The following PHRF1 variants were observed in gnomAD, a reference collection of about 807,000 sequenced individuals.
PHRF1 encodes PHD and RING finger domain-containing protein 1.
In PHRF1, 53 loss-of-function variants were observed where a neutral mutation model predicts 128.9. That is an observed-to-expected ratio of 0.41 (90% confidence interval 0.33 to 0.52). The LOEUF is 0.52. Ranked by LOEUF, PHRF1 falls within the 20% of genes least tolerant of loss-of-function variation. The probability of loss-of-function intolerance (pLI) is 0.21; values close to 1 mark genes in which losing one functional copy is unlikely to be tolerated. For synonymous variants in PHRF1, 1,178 were observed against 980.6 expected, an observed-to-expected ratio of 1.20 and a Z score of -3.76; for missense variants, 2,503 against 2,284.5, an observed-to-expected ratio of 1.10 and a Z score of -1.95.
chr11:598,860 T>C (rs901516217), intron 9 of PHRF1, among the ~76,000 whole-genome samples: 9 of 152,242 alleles, frequency 5.9e-5, no homozygotes, highest in African/African-American at 1.9e-4. Flanking sequence ...GGCTTTTCTG[T>C]GGGGGCCGAG....
intron 14 of PHRF1, 100 bp downstream of exon 14, chr11:609,820 C>T (rs887704956): frequency 1.3e-6 from 1 of 764,262 alleles, no homozygotes; most frequent in South Asian, 2.2e-5. Context: ...GCCCCGGCCT[C>T]CACCGAGGAC....
chr11:589,747 A>G (rs111560769), intron 4 of PHRF1, among the ~76,000 whole-genome samples: 31 of 152,340 alleles, frequency 2.0e-4, no homozygotes, highest in Admixed American at 1.8e-3. Flanking sequence ...AGTCTGAGAG[A>G]GTGTCTGCAA....
Position 592,591 on chromosome 11 carries a change from G to T in PHRF1, c.537G>T (p.Glu179Asp). Reference protein sequence around the residue: ...IPVENTKASEEEEDPTFCEVC... With the variant: ...IPVENTKASEDEEDPTFCEVC... ...TGGAGAACACCAAAGCGAGCGAGGA[G>T]GAGGAGGACCCGACCTTCTGTGAGG... The change falls in exon 6 of 18, where the codon GAG becomes GAT. Residue 179 changes from glutamate to aspartate, a missense_variant. Physicochemically the swap from Glu to Asp is conservative, Grantham distance 45. Coordinates refer to ENST00000264555, the MANE Select transcript of PHRF1 (RefSeq NM_001286581.2). 6.2e-7 allele frequency: 1 copy of T among 1,614,094 alleles called. No individual in the cohort carries two copies. The highest frequency in any genetic ancestry group is 1.1e-5 in the South Asian group (1 of 91,090).
In PHRF1 at chr11:609,543, G is replaced by A. The variant is rs1159248736; in HGVS notation, c.4087G>A (p.Val1363Met). ...GGCTGAGGCACCCAGTTCCCCGGAT[G>A]TGGCGCCTGCGGGGAAGGAAGACAG... is the stretch of plus-strand genomic sequence containing the variant. ...EKAEAPSSPD[V>M]APAGKEDSPS... is the part of the protein sequence containing the mutation. Residue 1363 changes from valine to methionine, a missense_variant, in exon 14 of 18, where the codon GTG becomes ATG. Physicochemically the swap from Val to Met is conservative, Grantham distance 21. Coordinates refer to ENST00000264555, the MANE Select transcript of PHRF1 (RefSeq NM_001286581.2). 1 of 1,600,190 alleles carries A rather than the reference G, an allele frequency of 6.2e-7. No homozygotes were observed. Among genetic ancestry groups the A allele is most frequent in the Non-Finnish European group, 8.5e-7 (1 of 1,175,636 alleles).
At chr11:592,776 A>G in intron 6 of PHRF1, 102 bp downstream of exon 6, 1 of 1,287,998 alleles carries the variant, frequency 7.8e-7, no homozygotes, top group Non-Finnish European at 1.1e-6. Context: ...TCTGAGTCCC[A>G]GCACCTGGAG....
At position 582,708 on chromosome 11, in the gene PHRF1, T is replaced by C. The variant is rs544444214; in HGVS notation, c.214+627T>C. ...CCTGGCTAATTTTTTGTATTTTTAG[T>C]AGAGATGGGGTTTCACCGCGTTAGC... On this transcript the variant is annotated intron_variant, in intron 3 of 17. Coordinates refer to ENST00000264555, the MANE Select transcript of PHRF1 (RefSeq NM_001286581.2). Among the ~76,000 whole-genome samples, 7 of 151,710 alleles carry C rather than the reference T, an allele frequency of 4.6e-5. No homozygotes were observed. In the South Asian group the frequency reaches 1.5e-3, roughly 32 times the overall value.
rs1424096067 is a variant in PHRF1 at position 607,098 on chromosome 11, C to T, written c.1642C>T (p.Leu548=). The T allele has an allele frequency of 4.5e-6, 7 of 1,571,044 alleles. No individual in the cohort carries two copies. The highest frequency in any genetic ancestry group is 5.2e-6 in the Non-Finnish European group (6 of 1,156,914). Residue 548 remains leucine (L), a synonymous_variant, in exon 14 of 18, where the codon CTG becomes TTG. Transcript: ENST00000264555. ...TTCTTTTCAGCGAAACTCAGGCAGT[C>T]TGTCCAGAGGGGAAGAAGGATTCAA... ...PVSFQRNSGS[L]SRGEEGFKGC...
rs114152632 is a variant in PHRF1 at position 599,155 on chromosome 11, C to T, written c.1024+653C>T. ...TCGTGGGGATTTAAGTCACTGTAGACGCATGGACTCCTGCTTTACTCAGTG... is the reference window on the plus strand; with the variant it reads ...TCGTGGGGATTTAAGTCACTGTAGATGCATGGACTCCTGCTTTACTCAGTG... On this transcript the variant is annotated intron_variant, in intron 9 of 17. Coordinates refer to ENST00000264555, the MANE Select transcript of PHRF1 (RefSeq NM_001286581.2). 3.4e-3 allele frequency among the ~76,000 whole-genome samples: 521 copies of T among 152,164 alleles called. 4 individuals carry two copies. Among genetic ancestry groups the T allele is most frequent in the African/African-American group, 0.012 (484 of 41,520 alleles).
At chr11:602,104 C>T (rs530036075) in intron 10 of PHRF1, among the ~76,000 whole-genome samples, 184 of 152,282 alleles carry the variant, frequency 1.2e-3, no homozygotes, top group African/African-American at 4.3e-3. Flanking sequence ...TGACACAAGC[C>T]GTGTCTGACA....
At chr11:599,309 G>C (rs962083275) in intron 9 of PHRF1, among the ~76,000 whole-genome samples, 2 of 138,980 alleles carry the variant, frequency 1.4e-5, no homozygotes, top group Admixed American at 7.7e-5. Flanking sequence ...GGAGTGCAGT[G>C]GCATGATCTT....
Position 608,476 on chromosome 11 carries a change from G to T in PHRF1, c.3020G>T (p.Arg1007Met), listed in dbSNP as rs776771920. 12 of 1,612,400 alleles carry T rather than the reference G, an allele frequency of 7.4e-6. No homozygotes were observed. In the Admixed American group the frequency reaches 2.0e-4, roughly 27 times the overall value. Residue 1007 changes from arginine (R) to methionine (M), a missense_variant, in exon 14 of 18, where the codon AGG becomes ATG. Physicochemically the swap from Arg to Met is moderately conservative, Grantham distance 91. Transcript: ENST00000264555. ...SSSRSRKKAK[R>M]KRVSREHGRT... ...TCCCGCAGCAGGAAGAAGGCCAAGA[G>T]GAAGAGGGTGTCCAGGGAGCACGGA...
intron 3 of PHRF1, among the ~76,000 whole-genome samples, chr11:584,919 T>C (rs1854437902): frequency 6.6e-6 from 1 of 151,928 alleles, no homozygotes; most frequent in Non-Finnish European, 1.5e-5. Flanking sequence ...TGTATTGTTA[T>C]TCGAGATGGG....
At chr11:602,302 G>A (rs770827847) in intron 10 of PHRF1, among the ~76,000 whole-genome samples, 78 of 152,124 alleles carry the variant, frequency 5.1e-4, no homozygotes, top group Non-Finnish European at 1.0e-3. Flanking sequence ...TGTCATTCGT[G>A]TGCATGTTTG....
chr11:579,750 ACTT>A (rs1471492618), intron 1 of PHRF1, among the ~76,000 whole-genome samples: 4 of 152,248 alleles, frequency 2.6e-5, no homozygotes, highest in South Asian at 2.1e-4. Flanking sequence ...TGGCAAAACT[ACTT>A]CTACAATCGC....
Position 597,322 on chromosome 11 carries a change from G to A in PHRF1, c.719-73G>A. On this transcript the variant is annotated intron_variant, in intron 7 of 17. Transcript: ENST00000264555. This position sits in a 1 kb window ranked among gnomAD's most constrained non-coding sequence, Gnocchi z 6.5. Reference sequence around the variant, plus strand: ...AGCCAGGGCTGCTACTTGGCCGGCAGCCACAGGGGGAGCCGTTGGGGGAGG... The same window carrying A: ...AGCCAGGGCTGCTACTTGGCCGGCAACCACAGGGGGAGCCGTTGGGGGAGG... 2.0e-6 allele frequency: 3 copies of A among 1,534,420 alleles called. No homozygotes were observed. The highest frequency in any genetic ancestry group is 2.6e-6 in the Non-Finnish European group (3 of 1,135,696).
intron 1 of PHRF1, among the ~76,000 whole-genome samples, chr11:580,851 G>C (rs1023795175): frequency 5.9e-5 from 9 of 151,890 alleles, no homozygotes; most frequent in Non-Finnish European, 1.3e-4. Context: ...ACCACGCCTG[G>C]CTAATTTTTG....
Position 610,999 on chromosome 11 carries a change from A to C in PHRF1, c.4723A>C (p.Lys1575Gln). The change falls in exon 17 of 18, where the codon AAG (lysine) becomes CAG (glutamine). Residue 1575 changes from lysine to glutamine, a missense_variant. Coordinates refer to ENST00000264555, the MANE Select transcript of PHRF1 (RefSeq NM_001286581.2). ...GCAGGAGCGTGCTGTGGAGGAGGTG[A>C]AGCTGGCCATCAAGCCCTTCTACCA... ...HMQERAVEEV[K>Q]LAIKPFYQKR... The C allele has an allele frequency of 6.2e-7, 1 of 1,613,546 alleles. No homozygotes were observed. The highest frequency in any genetic ancestry group is 8.5e-7 in the Non-Finnish European group (1 of 1,179,810).
At chr11:601,450 C>G (rs2133027674) in intron 9 of PHRF1, 124 bp from the exon 10 acceptor site, 1 of 1,282,478 alleles carries the variant, frequency 7.8e-7, no homozygotes, top group East Asian at 2.4e-5. Context: ...AAAAAAATTG[C>G]AAGCCGGTGC....
chr11:604,036 A>G (rs1298918740), intron 10 of PHRF1, among the ~76,000 whole-genome samples: 1 of 152,164 alleles, frequency 6.6e-6, no homozygotes, highest in African/African-American at 2.4e-5. Context: ...TTATTCGAAC[A>G]TCCGATCTGT....
Sources: allele counts gnomAD v4.1 joint callset (sites outside exome capture counted in the v4.1 genomes callset), GRCh38; gene constraint gnomAD v4.1.1; non-coding constraint Gnocchi (gnomAD v3.1); transcripts MANE v1.5; gene names NCBI Gene and HGNC (gene_info 2026-07-23, HGNC 2026-07-21).